The following PLXNA4 variants were observed in gnomAD, a reference collection of about 807,000 sequenced individuals.
The protein encoded by PLXNA4 is plexin A4, also known as plexin-A4.
PLXNA4 carries 44 observed loss-of-function variants against 191.8 expected under a neutral mutation model. That is an observed-to-expected ratio of 0.23 (90% CI 0.18 to 0.29). The LOEUF is 0.29. Among genes scored for constraint, PLXNA4 ranks in the 10% least tolerant of loss-of-function variants. The pLI is 1.00. For synonymous variants in PLXNA4, 1,082 were observed against 1,009.5 expected (o/e 1.07, Z -1.36); for missense variants, 1,800 against 2,488.8 (o/e 0.72, Z 5.89).
At chr7:132,237,153 T>C (rs1798728180) in intron 5 of PLXNA4, among the ~76,000 whole-genome samples, 1 of 152,254 alleles carries the variant, frequency 6.6e-6, no homozygotes, top group South Asian at 2.1e-4. Flanking sequence ...TCCATCTACA[T>C]TTAAAATTGT....
At chr7:132,140,470 G>C in intron 30 of PLXNA4, 129 bp downstream of exon 30, 1 of 1,339,626 alleles carries the variant, frequency 7.5e-7, no homozygotes, top group Non-Finnish European at 1.0e-6. Context: ...TGTTGCAGTG[G>C]CAGGATTAGG....
At chr7:132,226,722 G>A (rs1798337845) in intron 7 of PLXNA4, among the ~76,000 whole-genome samples, 2 of 152,212 alleles carry the variant, frequency 1.3e-5, no homozygotes, top group Non-Finnish European at 2.9e-5. Context: ...CCTCTGGGGG[G>A]CTCAGGGCTC....
At chr7:132,596,891 T>C (rs569204931) in intron 2 of PLXNA4, among the ~76,000 whole-genome samples, 13 of 148,390 alleles carry the variant, frequency 8.8e-5, no homozygotes, top group African/African-American at 3.2e-4. Flanking sequence ...GCATGGAACC[T>C]GGTTTTAAAA....
chr7:132,436,314 T>C (rs1563097525), intron 3 of PLXNA4, among the ~76,000 whole-genome samples: 2 of 152,250 alleles, frequency 1.3e-5, no homozygotes, highest in Non-Finnish European at 2.9e-5. Flanking sequence ...GTCTGGTTTA[T>C]ATTTTAAGCA....
intron 4 of PLXNA4, chr7:132,264,125 A>C (rs1214879859): frequency 6.6e-6 from 1 of 152,234 alleles, no homozygotes; most frequent in East Asian, 1.9e-4. Flanking sequence ...CGTTATAAAA[A>C]AGAAAGAATG....
intron 3 of PLXNA4, among the ~76,000 whole-genome samples, chr7:132,464,403 A>T (rs1796625591): frequency 6.6e-6 from 1 of 152,022 alleles, no homozygotes. Flanking sequence ...GAATGAGAAG[A>T]GTTGATTGCT....
At chr7:132,289,901 C>T (rs1030814060) in intron 4 of PLXNA4, among the ~76,000 whole-genome samples, 1 of 151,838 alleles carries the variant, frequency 6.6e-6, no homozygotes, top group Middle Eastern at 3.4e-3. Flanking sequence ...GTTTCCTAAA[C>T]GAATGAATGA....
At chr7:132,534,628 A>G (rs896846081) in intron 1 of PLXNA4, among the ~76,000 whole-genome samples, 1 of 152,236 alleles carries the variant, frequency 6.6e-6, no homozygotes. Flanking sequence ...TAGGATGGAC[A>G]CTGGGTTGGC....
At chr7:132,303,605 G>A (rs927627912) in intron 3 of PLXNA4, among the ~76,000 whole-genome samples, 7 of 152,162 alleles carry the variant, frequency 4.6e-5, no homozygotes, top group Non-Finnish European at 1.0e-4. Flanking sequence ...CACAGGTCAC[G>A]AAGGTACTTT....
intron 1 of PLXNA4, among the ~76,000 whole-genome samples, chr7:132,536,313 TTTTTATCC>T (rs1799830207): frequency 6.6e-6 from 1 of 152,182 alleles, no homozygotes; most frequent in African/African-American, 2.4e-5. Flanking sequence ...AAGTGACTAA[TTTTTATCC>T]TTTTATCCTA....
chr7:132,209,877 T>C (rs1014383513), intron 10 of PLXNA4, among the ~76,000 whole-genome samples: 1 of 152,210 alleles, frequency 6.6e-6, no homozygotes, highest in Non-Finnish European at 1.5e-5. Flanking sequence ...TCACTAGTTG[T>C]GTGACCTTGA....
At chr7:132,512,641 C>G (rs550618460) in intron 1 of PLXNA4, among the ~76,000 whole-genome samples, 6 of 152,118 alleles carry the variant, frequency 3.9e-5, no homozygotes, top group Admixed American at 2.0e-4. Context: ...ACCAAAGACC[C>G]CACCAGGAAC....
chr7:132,493,315 C>T (rs527587223), intron 2 of PLXNA4, among the ~76,000 whole-genome samples: 5 of 152,318 alleles, frequency 3.3e-5, no homozygotes, highest in Admixed American at 3.3e-4. Flanking sequence ...GGCCTCCTGT[C>T]ACTCCACAAA....
chr7:132,299,544 A>C (rs1444861694), intron 3 of PLXNA4, among the ~76,000 whole-genome samples: 1 of 152,166 alleles, frequency 6.6e-6, no homozygotes, highest in East Asian at 1.9e-4. Context: ...TCTGATTTTT[A>C]AAATTTCCTT....
chr7:132,298,887 C>T (rs1014945491), intron 3 of PLXNA4, among the ~76,000 whole-genome samples: 7 of 152,262 alleles, frequency 4.6e-5, no homozygotes, highest in African/African-American at 1.4e-4. Flanking sequence ...TCTGCAAACA[C>T]TCAGCTGAAT....
chr7:132,153,754 C>A (rs779313302), intron 25 of PLXNA4, among the ~76,000 whole-genome samples: 1 of 152,186 alleles, frequency 6.6e-6, no homozygotes, highest in Non-Finnish European at 1.5e-5. Flanking sequence ...GGCAAACTCT[C>A]CCCAGGGTGC....
At chr7:132,287,332 A>G (rs1335714491) in intron 4 of PLXNA4, among the ~76,000 whole-genome samples, 1 of 152,236 alleles carries the variant, frequency 6.6e-6, no homozygotes, top group Non-Finnish European at 1.5e-5. Context: ...TCTAATTGTA[A>G]TAAGAATAAT....
At position 132,407,078 on chromosome 7, in the gene PLXNA4, A is replaced by G. The variant is rs140144511; in HGVS notation, c.1371+82214T>C. ...AGAAGGGCATTCTAGTAATAGCTAC[A>G]CTGATGGCCCTGACTGATGCACCTG... On this transcript the variant is annotated intron_variant, in intron 3 of 31. Transcript: ENST00000321063. 9.7e-3 allele frequency among the ~76,000 whole-genome samples: 1,471 copies of G among 152,316 alleles called. 15 individuals carry two copies. Among genetic ancestry groups the G allele is most frequent in the Middle Eastern group, 0.037 (11 of 294 alleles).
intron 3 of PLXNA4, among the ~76,000 whole-genome samples, chr7:132,328,122 G>C (rs1212280089): frequency 1.3e-5 from 2 of 152,192 alleles, no homozygotes; most frequent in African/African-American, 4.8e-5. Flanking sequence ...CCCTGCTAAT[G>C]GGGACTGAGT....
Sources: allele counts gnomAD v4.1 joint callset (sites outside exome capture counted in the v4.1 genomes callset), GRCh38; gene constraint gnomAD v4.1.1; transcripts MANE v1.5; gene names NCBI Gene and HGNC (gene_info 2026-07-23, HGNC 2026-07-21).